The following PIGK variants were observed in gnomAD, a reference collection of about 807,000 sequenced individuals.
PIGK encodes the protein GPI-anchor transamidase.
Under a neutral mutation model 50.6 loss-of-function variants are expected in PIGK, and 42 were observed. The observed-to-expected ratio is 0.83, with a 90% CI of 0.65 to 1.07. PIGK has a LOEUF of 1.07. PIGK is among the 50% of genes least tolerant of loss of function. The probability of loss-of-function intolerance (pLI) is 0.00; values close to 1 mark genes in which losing one functional copy is unlikely to be tolerated. For synonymous variants in PIGK, 151 were observed against 156.0 expected (o/e 0.97, Z 0.24); for missense variants, 448 against 488.7 (o/e 0.92, Z 0.78).
intron 10 of PIGK, among the ~76,000 whole-genome samples, chr1:77,096,364 AG>A (rs1653405168): frequency 6.6e-6 from 1 of 152,160 alleles, no homozygotes; most frequent in South Asian, 2.1e-4. Context: ...GCTGTCAGCA[AG>A]AGGTAGAATC....
intron 9 of PIGK, among the ~76,000 whole-genome samples, chr1:77,135,029 T>C (rs1654467831): frequency 6.6e-6 from 1 of 152,162 alleles, no homozygotes; most frequent in South Asian, 2.1e-4. Flanking sequence ...ACTTACTCTT[T>C]TGGCCTAGTA....
intron 1 of PIGK, among the ~76,000 whole-genome samples, chr1:77,217,755 G>A (rs1570270247): frequency 6.6e-6 from 1 of 152,320 alleles, no homozygotes; most frequent in Non-Finnish European, 1.5e-5. Context: ...GCTGTATCAA[G>A]TGTACAAATT....
intron 9 of PIGK, among the ~76,000 whole-genome samples, chr1:77,139,247 C>T (rs1442459600): frequency 1.3e-5 from 2 of 151,874 alleles, no homozygotes; most frequent in Non-Finnish European, 2.9e-5. Context: ...CAAGAGATTT[C>T]CCTACTGTTG....
chr1:77,185,123 A>G (rs72992503), intron 3 of PIGK, among the ~76,000 whole-genome samples: 1 of 152,134 alleles, frequency 6.6e-6, no homozygotes, highest in Non-Finnish European at 1.5e-5. Context: ...GTATGTAGCC[A>G]CTGATTCGGC....
At chr1:77,153,682 C>CCAGTGTTTG (rs1654944026) in intron 9 of PIGK, 1 of 151,804 alleles carries the variant, frequency 6.6e-6, no homozygotes, top group Admixed American at 6.6e-5. Context: ...GCATCTTGTG[C>CCAGTGTTTG]CAGTGTTTGA....
At chr1:77,110,831 G>C (rs1391196523) in intron 10 of PIGK, among the ~76,000 whole-genome samples, 1 of 152,180 alleles carries the variant, frequency 6.6e-6, no homozygotes, top group Non-Finnish European at 1.5e-5. Context: ...GCAACCTACA[G>C]AGTGGGAGAA....
chr1:77,142,793 T>G (rs1196089166), intron 9 of PIGK, among the ~76,000 whole-genome samples: 1 of 152,040 alleles, frequency 6.6e-6, no homozygotes, highest in Non-Finnish European at 1.5e-5. Context: ...CCTCCTTCTC[T>G]CCACACATGG....
At chr1:77,166,861 G>C in intron 4 of PIGK, 31 bp from the exon 5 acceptor site, 1 of 1,006,766 alleles carries the variant, frequency 9.9e-7, no homozygotes, top group South Asian at 1.4e-5. Flanking sequence ...AAAATCAGAT[G>C]AAATAAAACC....
intron 1 of PIGK, among the ~76,000 whole-genome samples, chr1:77,213,731 A>C (rs1315235449): frequency 6.6e-6 from 1 of 152,076 alleles, no homozygotes; most frequent in Non-Finnish European, 1.5e-5. Flanking sequence ...TAAAAAATAC[A>C]AAAAAAGTCA....
chr1:77,154,339 G>T, intron 9 of PIGK, 110 bp downstream of exon 9: 1 of 700,860 alleles, frequency 1.4e-6, no homozygotes, highest in Non-Finnish European at 2.5e-6. Context: ...GGGTATAAAT[G>T]TGTAATTTTA....
intron 5 of PIGK, among the ~76,000 whole-genome samples, chr1:77,164,383 A>G (rs1029704931): frequency 6.6e-6 from 1 of 152,208 alleles, no homozygotes; most frequent in Non-Finnish European, 1.5e-5. Flanking sequence ...CTGGATTCAA[A>G]TGGTAACTAT....
chr1:77,147,349 A>G (rs888862739), intron 9 of PIGK, among the ~76,000 whole-genome samples: 4 of 150,578 alleles, frequency 2.7e-5, no homozygotes, highest in African/African-American at 7.3e-5. Flanking sequence ...GAGCCAAACC[A>G]TATCAGGAGG....
At chr1:77,113,666 G>T (rs1653902131) in intron 10 of PIGK, among the ~76,000 whole-genome samples, 1 of 152,038 alleles carries the variant, frequency 6.6e-6, no homozygotes, top group South Asian at 2.1e-4. Flanking sequence ...AATTAAAAAT[G>T]ATTTTATTGA....
chr1:77,146,470 T>C (rs1427174732), intron 9 of PIGK, among the ~76,000 whole-genome samples: 1 of 152,044 alleles, frequency 6.6e-6, no homozygotes, highest in Non-Finnish European at 1.5e-5. Flanking sequence ...TAGATCAGCC[T>C]GGATAACATA....
intron 3 of PIGK, among the ~76,000 whole-genome samples, chr1:77,205,593 G>T (rs1453916122): frequency 1.3e-5 from 2 of 151,792 alleles, no homozygotes; most frequent in African/African-American, 4.8e-5. Context: ...TTATTACCAT[G>T]TAACAAATGA....
chr1:77,114,780 G>T (rs1262883170), intron 10 of PIGK, among the ~76,000 whole-genome samples: 1 of 152,078 alleles, frequency 6.6e-6, no homozygotes, highest in Non-Finnish European at 1.5e-5. Context: ...ATTAGCCCAT[G>T]ACCTTCAAAA....
At chr1:77,202,338 G>C (rs1656189238) in intron 3 of PIGK, among the ~76,000 whole-genome samples, 1 of 152,080 alleles carries the variant, frequency 6.6e-6, no homozygotes, top group Non-Finnish European at 1.5e-5. Context: ...TGCCAAAAGA[G>C]AGGCACAAAT....
intron 1 of PIGK, among the ~76,000 whole-genome samples, chr1:77,216,563 T>A (rs1360473299): frequency 6.6e-6 from 1 of 152,170 alleles, no homozygotes. Context: ...AAGCATTGTT[T>A]CTGATAAATT....
chr1:77,121,222 T>C (rs1371608347), intron 10 of PIGK, among the ~76,000 whole-genome samples: 2 of 152,152 alleles, frequency 1.3e-5, no homozygotes, highest in East Asian at 3.9e-4. Flanking sequence ...AGACAGAATT[T>C]TAAATGTGAC....
Sources: gnomAD v4.1 joint callset for allele counts (sites outside exome capture counted in the v4.1 genomes callset) on GRCh38, gnomAD v4.1.1 for gene constraint, MANE v1.5 for transcripts, NCBI Gene and HGNC (gene_info 2026-07-23, HGNC 2026-07-21) for gene names.